Variants in CDH10 observed in about 807,000 individuals in gnomAD.
CDH10 encodes the protein cadherin 10.
CDH10 carries 30 observed loss-of-function variants against 73.1 expected under a neutral mutation model. That is an observed-to-expected ratio of 0.41 (90% CI 0.31 to 0.56). The LOEUF (loss-of-function observed/expected upper bound fraction) is 0.56. Ranked by LOEUF, CDH10 falls within the 20% of genes least tolerant of loss-of-function variation. The pLI is 0.27. For synonymous variants in CDH10, 345 were observed against 348.2 expected (o/e 0.99, Z 0.10); for missense variants, 815 against 973.7 (o/e 0.84, Z 2.17).
chr5:24,504,447 T>C (rs1742607399), intron 8 of CDH10, among the ~76,000 whole-genome samples: 1 of 151,222 alleles, frequency 6.6e-6, no homozygotes, highest in South Asian at 2.1e-4. Flanking sequence ...ATTGGGTCTT[T>C]CTTTGTGAGA....
At chr5:24,514,140 A>G (rs1222280130) in intron 5 of CDH10, among the ~76,000 whole-genome samples, 1 of 152,176 alleles carries the variant, frequency 6.6e-6, no homozygotes, top group Non-Finnish European at 1.5e-5. Context: ...CTTCCTACCT[A>G]GTCTACTAGC....
Position 24,577,096 on chromosome 5 carries a change from CTG to C in CDH10, c.231+16162_231+16163del, listed in dbSNP as rs769783648. ...TTATTTAAAAAAAAAAAACCAAAAA[CTG>C]TGAAGCTTCCACAGCATAAAAGAAT... On this transcript the variant is annotated intron_variant, in intron 2 of 11. Coordinates refer to ENST00000264463, the MANE Select transcript of CDH10 (RefSeq NM_006727.5). Among the ~76,000 whole-genome samples, 219 of 149,328 alleles carry C rather than the reference CTG, an allele frequency of 1.5e-3. 1 individual carries two copies. The highest frequency in any genetic ancestry group is 7.0e-3 in the Middle Eastern group (2 of 286).
At chr5:24,513,209 G>A (rs1263865959) in intron 5 of CDH10, among the ~76,000 whole-genome samples, 5 of 151,792 alleles carry the variant, frequency 3.3e-5, no homozygotes, top group African/African-American at 7.3e-5. Context: ...AGTAGAGACC[G>A]GATTTTACCA....
intron 9 of CDH10, among the ~76,000 whole-genome samples, chr5:24,493,693 T>C (rs1264313606): frequency 6.6e-6 from 1 of 151,916 alleles, no homozygotes; most frequent in Non-Finnish European, 1.5e-5. Flanking sequence ...AACTTATATT[T>C]ATAATACAAT....
At chr5:24,619,384 G>A (rs1286824093) in intron 1 of CDH10, among the ~76,000 whole-genome samples, 4 of 151,984 alleles carry the variant, frequency 2.6e-5, no homozygotes, top group East Asian at 1.9e-4. Context: ...TAGTAGAGAC[G>A]AGGTTTCACC....
At chr5:24,549,310 A>G (rs1249243532) in intron 2 of CDH10, among the ~76,000 whole-genome samples, 1 of 152,152 alleles carries the variant, frequency 6.6e-6, no homozygotes, top group African/African-American at 2.4e-5. Context: ...ATAGGTAAGA[A>G]ATTTTTAAAA....
intron 2 of CDH10, among the ~76,000 whole-genome samples, chr5:24,571,415 G>T (rs1368127098): frequency 6.6e-6 from 1 of 152,072 alleles, no homozygotes; most frequent in Non-Finnish European, 1.5e-5. Context: ...ATGCCTCAGA[G>T]AAAGGAATAA....
At position 24,491,709 on chromosome 5, in the gene CDH10, T is replaced by C. The variant is rs1277756498; in HGVS notation, c.1743A>G (p.Thr581=). The C allele has an allele frequency of 6.2e-7, 1 of 1,614,012 alleles. No homozygotes were observed. Among genetic ancestry groups the C allele is most frequent in the Admixed American group, 1.7e-5 (1 of 60,014 alleles). ...CACAAGCACACACTCGAATGGTCAG[T>C]GTGCCTGTGCTGCTCTGAATTGGGT... ...NDYPIQSSTG[T]LTIRVCACDS... is the part of the protein sequence containing the mutation. Residue 581 remains threonine (T), a synonymous_variant, in exon 11 of 12, where the codon ACA becomes ACG. Coordinates refer to ENST00000264463, the MANE Select transcript of CDH10 (RefSeq NM_006727.5).
chr5:24,532,268 A>C (rs1743781010), intron 5 of CDH10, among the ~76,000 whole-genome samples: 1 of 152,076 alleles, frequency 6.6e-6, no homozygotes, highest in Non-Finnish European at 1.5e-5. Flanking sequence ...TAATAATAAT[A>C]ATGGTAATAG....
intron 9 of CDH10, 144 bp downstream of exon 9, chr5:24,498,254 A>G (rs1742363460): frequency 2.2e-6 from 1 of 460,482 alleles, no homozygotes; most frequent in African/African-American, 2.0e-5. Context: ...CTTTAAAAAC[A>G]TCAGTTATGG....
At chr5:24,577,098 G>C (rs966073949) in intron 2 of CDH10, among the ~76,000 whole-genome samples, 36 of 150,474 alleles carry the variant, frequency 2.4e-4, no homozygotes, top group African/African-American at 8.8e-4. Flanking sequence ...ACCAAAAACT[G>C]TGAAGCTTCC....
chr5:24,554,787 G>A (rs1744708428), intron 2 of CDH10, among the ~76,000 whole-genome samples: 1 of 151,954 alleles, frequency 6.6e-6, no homozygotes. Context: ...TATAGAAATT[G>A]CACTTTTCCT....
At chr5:24,561,135 A>C (rs1205309692) in intron 2 of CDH10, among the ~76,000 whole-genome samples, 1 of 152,154 alleles carries the variant, frequency 6.6e-6, no homozygotes, top group Non-Finnish European at 1.5e-5. Context: ...TATTAAATTA[A>C]TTATTTTATG....
At chr5:24,623,796 G>A (rs753464880) in intron 1 of CDH10, among the ~76,000 whole-genome samples, 1 of 152,164 alleles carries the variant, frequency 6.6e-6, no homozygotes, top group Non-Finnish European at 1.5e-5. Context: ...AACAGCATAT[G>A]TGTTTTTAGG....
chr5:24,613,511 C>T (rs1002070639), intron 1 of CDH10, among the ~76,000 whole-genome samples: 2 of 119,604 alleles, frequency 1.7e-5, no homozygotes, highest in East Asian at 4.7e-4. Context: ...TGCAAGCATC[C>T]TCTTTGCTGG....
At chr5:24,618,853 A>G (rs1747209703) in intron 1 of CDH10, among the ~76,000 whole-genome samples, 1 of 152,212 alleles carries the variant, frequency 6.6e-6, no homozygotes, top group Non-Finnish European at 1.5e-5. Context: ...TGACATATTA[A>G]GAAGCACCTA....
intron 2 of CDH10, among the ~76,000 whole-genome samples, chr5:24,573,189 T>C (rs1745460936): frequency 6.6e-6 from 1 of 151,468 alleles, no homozygotes; most frequent in South Asian, 2.1e-4. Flanking sequence ...GGGAAAAAAT[T>C]TGAAGAGTTA....
intron 5 of CDH10, among the ~76,000 whole-genome samples, chr5:24,513,033 T>G (rs1044288209): frequency 6.9e-6 from 1 of 144,038 alleles, no homozygotes; most frequent in African/African-American, 2.6e-5. Context: ...TTCTTTTCTT[T>G]TTTTTTCTTG....
intron 1 of CDH10, among the ~76,000 whole-genome samples, chr5:24,632,415 T>G (rs1910962): frequency 0.25 from 38,043 of 151,936 alleles, 5,656 homozygotes; most frequent in African/African-American, 0.42. Flanking sequence ...ATACCTAGTG[T>G]GCAGCACTGC....
Sources: gnomAD v4.1 joint callset for allele counts (sites outside exome capture counted in the v4.1 genomes callset) on GRCh38, gnomAD v4.1.1 for gene constraint, MANE v1.5 for transcripts, NCBI Gene and HGNC (gene_info 2026-07-23, HGNC 2026-07-21) for gene names.